The following GPHN variants were observed in gnomAD, a reference collection of about 807,000 sequenced individuals.
GPHN encodes the protein gephyrin.
Under a neutral mutation model 95.5 loss-of-function variants are expected in GPHN, and 17 were observed. The ratio of observed to expected loss-of-function variants is 0.18; its 90% CI spans 0.12 to 0.27. GPHN has a LOEUF of 0.27. GPHN is among the 10% of genes least tolerant of loss of function. The probability of loss-of-function intolerance (pLI) is 1.00; values close to 1 mark genes in which losing one functional copy is unlikely to be tolerated. For missense variants in GPHN, 660 were observed against 978.1 expected (o/e 0.67, Z 4.34); for synonymous variants, 320 against 322.5 (o/e 0.99, Z 0.08).
intron 1 of GPHN, among the ~76,000 whole-genome samples, chr14:66,631,718 TATA>T (rs1393867357): frequency 6.6e-6 from 1 of 152,140 alleles, no homozygotes; most frequent in Non-Finnish European, 1.5e-5. Context: ...CTGTGCTAAG[TATA>T]ATATTTTTTA....
intron 1 of GPHN, among the ~76,000 whole-genome samples, chr14:66,583,441 T>C (rs2061283644): frequency 6.6e-6 from 1 of 152,188 alleles, no homozygotes. Flanking sequence ...TTTGGTGTTT[T>C]AGACATGAAG....
intron 4 of GPHN, among the ~76,000 whole-genome samples, chr14:66,828,473 G>A (rs1461609360): frequency 1.3e-5 from 2 of 152,042 alleles, no homozygotes; most frequent in Admixed American, 1.3e-4. Flanking sequence ...TATACATCAG[G>A]ATTGCCAATA....
chr14:67,312,740 ATAT>A, the GPHN span: 2 of 1,439,134 alleles, frequency 1.4e-6, no homozygotes, highest in South Asian at 1.6e-5. Context: ...AAAGTACATA[ATAT>A]TAAAAGAACA....
intron 10 of GPHN, among the ~76,000 whole-genome samples, chr14:67,057,308 G>A (rs372285362): frequency 1.7e-4 from 26 of 151,706 alleles, no homozygotes; most frequent in African/African-American, 6.1e-4. Flanking sequence ...GAGGGAGCTG[G>A]AAGCCATTAT....
the GPHN span, among the ~76,000 whole-genome samples, chr14:67,426,470 C>G: frequency 0.073 from 11,119 of 152,260 alleles, 606 homozygotes; most frequent in African/African-American, 0.15. Context: ...AGTGTGTGCC[C>G]CTTAAAACAC....
At chr14:66,691,594 G>GTGTTTACC (rs1213345732) in intron 2 of GPHN, among the ~76,000 whole-genome samples, 1 of 152,170 alleles carries the variant, frequency 6.6e-6, no homozygotes, top group Admixed American at 6.5e-5. Flanking sequence ...GCCATGCATA[G>GTGTTTACC]TGTTTACCTA....
chr14:66,587,021 C>T (rs181406957), intron 1 of GPHN, among the ~76,000 whole-genome samples: 2 of 152,012 alleles, frequency 1.3e-5, no homozygotes, highest in Admixed American at 1.3e-4. Flanking sequence ...TGACAGAAGA[C>T]TGAAATATAT....
chr14:67,271,674 T>C, the GPHN span: 1 of 152,188 alleles, frequency 6.6e-6, no homozygotes, highest in African/African-American at 2.4e-5. Flanking sequence ...TGACATTAGT[T>C]AGAATTGAAA....
At chr14:66,806,391 C>T (rs184420663) in intron 3 of GPHN, among the ~76,000 whole-genome samples, 58 of 152,330 alleles carry the variant, frequency 3.8e-4, no homozygotes, top group Middle Eastern at 3.4e-3. Flanking sequence ...GATTAACATT[C>T]GGCTCCTTGT....
the GPHN span, among the ~76,000 whole-genome samples, chr14:67,416,972 G>A: frequency 3.9e-5 from 6 of 152,218 alleles, no homozygotes; most frequent in African/African-American, 4.8e-5. Flanking sequence ...AGACTTCTAC[G>A]TCACCCAAAC....
chr14:67,696,260 T>C, the GPHN span, among the ~76,000 whole-genome samples: 1 of 152,198 alleles, frequency 6.6e-6, no homozygotes, highest in Non-Finnish European at 1.5e-5. Flanking sequence ...CCAAGTCCAG[T>C]GCCTGGTTCA....
At chr14:67,583,187 T>C in the GPHN span, among the ~76,000 whole-genome samples, 1 of 152,190 alleles carries the variant, frequency 6.6e-6, no homozygotes, top group Non-Finnish European at 1.5e-5. Context: ...TAATAGTTGA[T>C]CTTTATAAAT....
chr14:66,562,539 C>T (rs1250309080), intron 1 of GPHN, among the ~76,000 whole-genome samples: 16 of 152,044 alleles, frequency 1.1e-4, no homozygotes, highest in Admixed American at 1.1e-3. Flanking sequence ...TGCTTATACA[C>T]AGGAGAGTAC....
At chr14:66,545,685 G>A (rs1312384174) in intron 1 of GPHN, among the ~76,000 whole-genome samples, 1 of 136,538 alleles carries the variant, frequency 7.3e-6, no homozygotes, top group African/African-American at 2.9e-5. Flanking sequence ...AGGGGCGGCC[G>A]GGCAGAGGCG....
chr14:67,219,322 G>A, the GPHN span, among the ~76,000 whole-genome samples: 1 of 152,194 alleles, frequency 6.6e-6, no homozygotes, highest in Non-Finnish European at 1.5e-5. Context: ...GGCAGATCTA[G>A]TCCACATGGG....
chr14:66,822,096 C>T (rs1269315728), intron 3 of GPHN, among the ~76,000 whole-genome samples: 1 of 152,074 alleles, frequency 6.6e-6, no homozygotes, highest in Non-Finnish European at 1.5e-5. Context: ...GGATTAGAGG[C>T]ACCCACCACC....
At chr14:67,225,800 C>T in the GPHN span, among the ~76,000 whole-genome samples, 5 of 152,256 alleles carry the variant, frequency 3.3e-5, no homozygotes, top group African/African-American at 1.2e-4. Flanking sequence ...CTCTGCAGTG[C>T]GTTGCTGAAA....
At chr14:67,285,405 C>T in the GPHN span, among the ~76,000 whole-genome samples, 5 of 140,610 alleles carry the variant, frequency 3.6e-5, no homozygotes, top group African/African-American at 1.4e-4. Flanking sequence ...CTCGCTCTGT[C>T]GCCCAGGCTG....
chr14:67,620,010 C>G, the GPHN span: 2 of 1,610,120 alleles, frequency 1.2e-6, no homozygotes, highest in South Asian at 1.1e-5. Flanking sequence ...CGCGTCTCCT[C>G]CAGACGCGAG....
Sources: allele counts gnomAD v4.1 joint callset (sites outside exome capture counted in the v4.1 genomes callset), GRCh38; gene constraint gnomAD v4.1.1; transcripts MANE v1.5; gene names NCBI Gene and HGNC (gene_info 2026-07-23, HGNC 2026-07-21).